MOB3B: variants seen among roughly 807,000 people sequenced by gnomAD.
MOB3B encodes the protein MOB kinase activator-like 2B.
A neutral mutation model predicts 18.7 loss-of-function variants in MOB3B; 7 were observed. The ratio of observed to expected loss-of-function variants is 0.37; its 90% CI spans 0.21 to 0.70. The LOEUF (loss-of-function observed/expected upper bound fraction) is 0.70. MOB3B is among the 30% of genes least tolerant of loss of function. MOB3B has a pLI of 0.52. For synonymous variants in MOB3B, 111 were observed against 99.9 expected (o/e 1.11, Z -0.66); for missense variants, 253 against 281.3 (o/e 0.90, Z 0.72).
chr9:27,358,726 T>TAAGG, intron 3 of MOB3B: 1 of 522,770 alleles, frequency 1.9e-6, no homozygotes, highest in Non-Finnish European at 3.7e-6. Context: ...GATGCCCATT[T>TAAGG]AAGGAATTCA....
chr9:27,522,092 A>G (rs1820340825), intron 1 of MOB3B, among the ~76,000 whole-genome samples: 1 of 151,722 alleles, frequency 6.6e-6, no homozygotes, highest in Admixed American at 6.6e-5. Flanking sequence ...ATACAAAAAA[A>G]TTAACGAGAC....
At chr9:27,342,806 C>A (rs1352418341) in intron 3 of MOB3B, among the ~76,000 whole-genome samples, 1 of 151,640 alleles carries the variant, frequency 6.6e-6, no homozygotes, top group African/African-American at 2.4e-5. Flanking sequence ...GGCCTGATCT[C>A]CGCTCGCTAC....
intron 1 of MOB3B, among the ~76,000 whole-genome samples, chr9:27,502,488 G>C (rs1486356340): frequency 6.6e-6 from 1 of 152,166 alleles, no homozygotes; most frequent in African/African-American, 2.4e-5. Context: ...CCAGATTAAA[G>C]GTATGCATTG....
chr9:27,516,673 A>C (rs1420742010), intron 1 of MOB3B, among the ~76,000 whole-genome samples: 1 of 152,204 alleles, frequency 6.6e-6, no homozygotes, highest in East Asian at 1.9e-4. Flanking sequence ...CATCCTCTCC[A>C]GTTTCCTCTT....
intron 2 of MOB3B, among the ~76,000 whole-genome samples, chr9:27,386,212 T>G (rs1024892756): frequency 5.9e-5 from 9 of 152,246 alleles, no homozygotes; most frequent in Non-Finnish European, 1.0e-4. Flanking sequence ...TTTAAGCCTG[T>G]ATTTTCTCAT....
intron 2 of MOB3B, chr9:27,394,371 G>T (rs967123831): frequency 6.6e-6 from 1 of 152,044 alleles, no homozygotes; most frequent in South Asian, 2.1e-4. Context: ...GGAAGTCTCT[G>T]TAAGCTGTAA....
intron 1 of MOB3B, among the ~76,000 whole-genome samples, chr9:27,457,175 T>A (rs1819189036): frequency 6.6e-6 from 1 of 152,278 alleles, no homozygotes; most frequent in Non-Finnish European, 1.5e-5. Flanking sequence ...GGACTTCGAC[T>A]TGTCTTTCCT....
intron 3 of MOB3B, among the ~76,000 whole-genome samples, chr9:27,340,602 C>T (rs1207357204): frequency 6.6e-6 from 1 of 151,110 alleles, no homozygotes; most frequent in African/African-American, 2.4e-5. Flanking sequence ...CAACTCTGTG[C>T]TTTTTTTTTA....
chr9:27,390,645 T>A (rs1306055379), intron 2 of MOB3B, among the ~76,000 whole-genome samples: 2 of 152,050 alleles, frequency 1.3e-5, no homozygotes, highest in Non-Finnish European at 2.9e-5. Context: ...TTCACCATAG[T>A]GAGAATATAT....
At chr9:27,480,907 A>G (rs997045106) in intron 1 of MOB3B, among the ~76,000 whole-genome samples, 1 of 152,164 alleles carries the variant, frequency 6.6e-6, no homozygotes, top group African/African-American at 2.4e-5. Flanking sequence ...ACAAGCACTG[A>G]CTCTATAAAA....
chr9:27,375,169 C>T (rs1379485025), intron 2 of MOB3B, among the ~76,000 whole-genome samples: 1 of 152,204 alleles, frequency 6.6e-6, no homozygotes, highest in Non-Finnish European at 1.5e-5. Flanking sequence ...TGTCTTTTGG[C>T]CATACTGGAA....
chr9:27,504,110 C>T (rs1393475652), intron 1 of MOB3B, among the ~76,000 whole-genome samples: 2 of 152,228 alleles, frequency 1.3e-5, no homozygotes, highest in African/African-American at 4.8e-5. Flanking sequence ...ACAAATAGTG[C>T]TTCATCATCT....
intron 2 of MOB3B, among the ~76,000 whole-genome samples, chr9:27,371,289 T>C (rs991690051): frequency 6.6e-6 from 1 of 152,174 alleles, no homozygotes; most frequent in Non-Finnish European, 1.5e-5. Context: ...GAGCGGGGCT[T>C]TGCAGAGCCA....
intron 2 of MOB3B, among the ~76,000 whole-genome samples, chr9:27,406,449 A>G (rs1401838486): frequency 2.0e-5 from 3 of 152,236 alleles, no homozygotes; most frequent in Non-Finnish European, 2.9e-5. Context: ...GGCAAAAAGA[A>G]CAAAGCCAGA....
chr9:27,345,444 C>G (rs7028444), intron 3 of MOB3B, among the ~76,000 whole-genome samples: 8,519 of 152,118 alleles, frequency 0.056, 281 homozygotes, highest in African/African-American at 0.067. Context: ...TAAGTAGTTG[C>G]CATCATTTAA....
chr9:27,418,841 G>T (rs750654835), intron 2 of MOB3B, among the ~76,000 whole-genome samples: 1 of 151,848 alleles, frequency 6.6e-6, no homozygotes, highest in Non-Finnish European at 1.5e-5. Context: ...CATCCAAATC[G>T]GTAAAGAAGA....
intron 1 of MOB3B, among the ~76,000 whole-genome samples, chr9:27,464,394 C>T (rs1417572436): frequency 6.6e-6 from 1 of 152,138 alleles, no homozygotes; most frequent in African/African-American, 2.4e-5. Flanking sequence ...AACACACTTA[C>T]CCTAATATTT....
intron 1 of MOB3B, chr9:27,524,995 C>T (rs116899991): frequency 0.04 from 59,349 of 1,493,978 alleles, 1,420 homozygotes; most frequent in Non-Finnish European, 0.045. Context: ...CTTTTCCCTC[C>T]GAAATCTCTT....
At chr9:27,403,048 G>C (rs1205008498) in intron 2 of MOB3B, among the ~76,000 whole-genome samples, 1 of 152,176 alleles carries the variant, frequency 6.6e-6, no homozygotes, top group East Asian at 1.9e-4. Context: ...AGGTTAAAAG[G>C]GAGACTAGTC....
Sources: gnomAD v4.1 joint callset for allele counts (sites outside exome capture counted in the v4.1 genomes callset) on GRCh38, gnomAD v4.1.1 for gene constraint, MANE v1.5 for transcripts, NCBI Gene and HGNC (gene_info 2026-07-23, HGNC 2026-07-21) for gene names.